TBXAS1: variants seen among roughly 807,000 people sequenced by gnomAD.
TBXAS1 encodes the protein thromboxane A synthase 1.
In TBXAS1, 48 loss-of-function variants were observed where a neutral mutation model predicts 60.7. The observed-to-expected ratio is 0.79, with a 90% CI of 0.63 to 1.01. The LOEUF (loss-of-function observed/expected upper bound fraction) is 1.01. Among genes scored for constraint, TBXAS1 ranks in the 50% least tolerant of loss-of-function variants. TBXAS1 has a pLI of 0.00. For synonymous variants in TBXAS1, 287 were observed against 269.7 expected, an observed-to-expected ratio of 1.06 and a Z score of -0.63; for missense variants, 685 against 686.3, an observed-to-expected ratio of 1.00 and a Z score of 0.02.
chr7:139,858,647 A>C (rs1800751169), intron 1 of TBXAS1, among the ~76,000 whole-genome samples: 1 of 152,108 alleles, frequency 6.6e-6, no homozygotes, highest in African/African-American at 2.4e-5. Context: ...CCCCAGCACC[A>C]TGCTTGGTAT....
Position 139,952,818 on chromosome 7 carries a change from A to C in TBXAS1, c.451-550A>C, listed in dbSNP as rs1809521604. On this transcript the variant is annotated intron_variant, in intron 5 of 12. Transcript: ENST00000448866. ...CCAGTATTCGAAAGCTTAGCGGCTT[A>C]AGCACAAAAGAATAACCATCCATCA... 9.6e-6 allele frequency: 9 copies of C among 937,530 alleles called. No homozygotes were observed. In the Admixed American group the frequency reaches 2.3e-4, roughly 24 times the overall value. 58.1% of individuals were successfully genotyped at this position (937,530 alleles called of 1,614,324 possible). A position where few individuals can be genotyped will look rare whatever the true frequency, so the allele number is the denominator to read the frequency against.
chr7:139,800,370 A>G (rs1280157623), intron 4 of TBXAS1, among the ~76,000 whole-genome samples: 1 of 151,562 alleles, frequency 6.6e-6, no homozygotes, highest in East Asian at 1.9e-4. Context: ...GCACGTTTCC[A>G]CCTCTGGCCA....
rs1804069280 is a variant in TBXAS1, at chr7:139,896,093, G to A, written c.237-15132G>A. The stretch of plus-strand genomic sequence containing the variant: ...ATGATTTCCCAGTCCTGGAAAGGCA[G>A]CTTAAAACCATCCTTCCACTTGCTC... On this transcript the variant is annotated intron_variant, in intron 3 of 12. Coordinates refer to ENST00000448866, the MANE Select transcript of TBXAS1 (RefSeq NM_001061.7). This position sits in a 1 kb window ranked among gnomAD's most constrained non-coding sequence, Gnocchi z 4.0. Among the ~76,000 whole-genome samples, 1 of 152,230 alleles carries A rather than the reference G, an allele frequency of 6.6e-6. No individual in the cohort carries two copies. The highest frequency in any genetic ancestry group is 6.5e-5 in the Admixed American group (1 of 15,284).
intron 9 of TBXAS1, among the ~76,000 whole-genome samples, chr7:139,969,981 G>A (rs1003237299): frequency 6.6e-6 from 1 of 152,210 alleles, no homozygotes; most frequent in Admixed American, 6.5e-5. Context: ...ACGGGCTGTG[G>A]CACCGGCCCT....
intron 9 of TBXAS1, among the ~76,000 whole-genome samples, chr7:139,986,304 A>T (rs554118255): frequency 7.4e-4 from 113 of 152,314 alleles, no homozygotes; most frequent in Admixed American, 6.7e-3. Flanking sequence ...GACTAGGGCC[A>T]CACAGCTGAG....
At chr7:139,798,933 G>A (rs1381530774) in intron 4 of TBXAS1, among the ~76,000 whole-genome samples, 1 of 152,082 alleles carries the variant, frequency 6.6e-6, no homozygotes, top group Admixed American at 6.6e-5. Context: ...TCAGTTGCCT[G>A]CCAGACATTT....
chr7:139,914,480 T>C (rs910086472), intron 4 of TBXAS1, among the ~76,000 whole-genome samples: 5 of 152,006 alleles, frequency 3.3e-5, no homozygotes, highest in African/African-American at 1.2e-4. Context: ...AGGCCTGGAG[T>C]TGGGGGATAT....
intron 4 of TBXAS1, among the ~76,000 whole-genome samples, chr7:139,792,925 A>ATT (rs2117252367): frequency 6.6e-6 from 1 of 152,344 alleles, no homozygotes; most frequent in Admixed American, 6.5e-5. Context: ...AGCAATAAGA[A>ATT]TGCTTGGTGC....
intron 5 of TBXAS1, among the ~76,000 whole-genome samples, chr7:139,947,418 AG>A (rs1483394009): frequency 3.3e-5 from 5 of 152,006 alleles, no homozygotes; most frequent in Admixed American, 6.6e-5. Flanking sequence ...CTGTTGGGGG[AG>A]GGGGGAGGAA....
chr7:139,955,655 G>T (rs1399451785), intron 7 of TBXAS1, 48 bp downstream of exon 7: 1 of 1,611,106 alleles, frequency 6.2e-7, no homozygotes, highest in Non-Finnish European at 8.5e-7. Context: ...CAGCAAGTTG[G>T]GCAGACCCCA....
intron 1 of TBXAS1, among the ~76,000 whole-genome samples, chr7:139,846,482 AGCAGTGCATG>A (rs1446880938): frequency 2.6e-5 from 4 of 152,228 alleles, no homozygotes; most frequent in African/African-American, 7.2e-5. Context: ...GTGGACTTAG[AGCAGTGCATG>A]GCACAGCTCA....
At chr7:139,989,645 C>T (rs1479815455) in intron 9 of TBXAS1, among the ~76,000 whole-genome samples, 1 of 152,192 alleles carries the variant, frequency 6.6e-6, no homozygotes. Flanking sequence ...TCCCCATCTC[C>T]CTGGCCCGGG....
At chr7:139,970,260 C>T (rs1044810592) in intron 9 of TBXAS1, among the ~76,000 whole-genome samples, 6 of 152,258 alleles carry the variant, frequency 3.9e-5, no homozygotes, top group African/African-American at 1.2e-4. Flanking sequence ...GCTCACGCCA[C>T]CATGCCCAGC....
intron 1 of TBXAS1, among the ~76,000 whole-genome samples, chr7:139,868,619 G>T (rs1362591615): frequency 1.3e-5 from 2 of 150,886 alleles, no homozygotes; most frequent in African/African-American, 4.9e-5. Flanking sequence ...AAGTAGCTGG[G>T]ACTATAGGTG....
chr7:140,014,218 T>C (rs1406012284), intron 10 of TBXAS1, among the ~76,000 whole-genome samples: 1 of 152,122 alleles, frequency 6.6e-6, no homozygotes, highest in Non-Finnish European at 1.5e-5. Flanking sequence ...GAAAGACCAG[T>C]GATGAATCTG....
At chr7:139,835,027 A>G (rs1367639053) in intron 1 of TBXAS1, among the ~76,000 whole-genome samples, 2 of 151,708 alleles carry the variant, frequency 1.3e-5, no homozygotes, top group African/African-American at 2.4e-5. Context: ...AAAGAAAACT[A>G]CAGACCAATA....
intron 9 of TBXAS1, among the ~76,000 whole-genome samples, chr7:139,986,921 T>C (rs76287865): frequency 0.013 from 1,924 of 151,986 alleles, 44 homozygotes; most frequent in African/African-American, 0.044. Flanking sequence ...CTATGCGATC[T>C]TGGCTCTCAA....
At chr7:139,786,660 T>G (rs1004693258) in intron 3 of TBXAS1, among the ~76,000 whole-genome samples, 1 of 152,216 alleles carries the variant, frequency 6.6e-6, no homozygotes, top group Non-Finnish European at 1.5e-5. Context: ...TGTAGAACTC[T>G]GATTTTATTT....
chr7:139,872,091 A>AT (rs1801860192), intron 1 of TBXAS1, 144 bp from the exon 2 acceptor site: 3 of 755,572 alleles, frequency 4.0e-6, no homozygotes, highest in Non-Finnish European at 4.5e-6. Context: ...TAGGCCTCCA[A>AT]TTTTTTGGTT....
Sources: allele counts gnomAD v4.1 joint callset (sites outside exome capture counted in the v4.1 genomes callset), GRCh38; gene constraint gnomAD v4.1.1; non-coding constraint Gnocchi (gnomAD v3.1); transcripts MANE v1.5; gene names NCBI Gene and HGNC (gene_info 2026-07-23, HGNC 2026-07-21).